MAST4: variants seen among roughly 807,000 people sequenced by gnomAD.
The protein encoded by MAST4 is microtubule associated serine/threonine kinase family member 4, also known as microtubule-associated serine/threonine-protein kinase 4.
MAST4 carries 89 observed loss-of-function variants against 162.7 expected under a neutral mutation model. That is an observed-to-expected ratio of 0.55 (90% CI 0.46 to 0.65). The LOEUF is 0.65. Among genes scored for constraint, MAST4 ranks in the 30% least tolerant of loss-of-function variants. MAST4 has a pLI of 0.00. For missense variants in MAST4, 3,153 were observed against 3,374.0 expected (o/e 0.93, Z 1.62); for synonymous variants, 1,479 against 1,361.1 (o/e 1.09, Z -1.91).
At chr5:67,124,197 C>T (rs1011442325) in intron 14 of MAST4, among the ~76,000 whole-genome samples, 2 of 152,180 alleles carry the variant, frequency 1.3e-5, no homozygotes, top group Non-Finnish European at 2.9e-5. Context: ...GCCCCTCCAC[C>T]TTCTACCCTT....
chr5:66,772,884 A>G (rs1754422579), intron 2 of MAST4, among the ~76,000 whole-genome samples: 1 of 152,126 alleles, frequency 6.6e-6, no homozygotes, highest in African/African-American at 2.4e-5. Context: ...AGGGAGGGAA[A>G]GTCTTTGTAG....
chr5:66,975,352 G>A (rs917742934), intron 4 of MAST4, among the ~76,000 whole-genome samples: 7 of 152,114 alleles, frequency 4.6e-5, no homozygotes, highest in Non-Finnish European at 1.0e-4. Flanking sequence ...GTTTTTCCTG[G>A]GACCCTGAAA....
At chr5:66,790,029 CCTT>C (rs1294746782) in intron 3 of MAST4, among the ~76,000 whole-genome samples, 1 of 94,176 alleles carries the variant, frequency 1.1e-5, no homozygotes, top group Non-Finnish European at 2.1e-5. Flanking sequence ...GCTGGTGGGC[CCTT>C]CTTTGTTTTG....
At chr5:66,664,153 A>C (rs1293853773) in intron 1 of MAST4, among the ~76,000 whole-genome samples, 1 of 151,960 alleles carries the variant, frequency 6.6e-6, no homozygotes, top group East Asian at 1.9e-4. Context: ...CAGGAGTTTG[A>C]GGCTGGGTGT....
chr5:67,153,328 C>T (rs995100568), intron 25 of MAST4, 130 bp from the exon 26 acceptor site: 18 of 935,120 alleles, frequency 1.9e-5, no homozygotes, highest in Non-Finnish European at 2.5e-5. Flanking sequence ...GAATAGTAAA[C>T]GTACCTGTTA....
intron 4 of MAST4, among the ~76,000 whole-genome samples, chr5:67,012,304 T>C (rs1465348928): frequency 1.3e-5 from 2 of 152,174 alleles, no homozygotes; most frequent in Non-Finnish European, 2.9e-5. Flanking sequence ...AATAGGACTC[T>C]ATCTGAATAA....
chr5:66,836,146 T>G lies in MAST4; in HGVS notation c.642+47352T>G, dbSNP rs114336523. On this transcript the variant is annotated intron_variant, in intron 3 of 28. Coordinates refer to ENST00000403625, the MANE Select transcript of MAST4 (RefSeq NM_001164664.2). ...TGTTCGTGCCACTGCACTCCAGCCT[T>G]GGTGACAAAGTGAGACCCTGTCTGG... Among the ~76,000 whole-genome samples, 1,177 of 150,438 alleles carry G rather than the reference T, an allele frequency of 7.8e-3. 15 individuals carry two copies. Among genetic ancestry groups the G allele is most frequent in the African/African-American group, 0.028 (1,136 of 40,776 alleles).
At chr5:66,881,019 A>T (rs1761657620) in intron 3 of MAST4, among the ~76,000 whole-genome samples, 1 of 152,180 alleles carries the variant, frequency 6.6e-6, no homozygotes, top group Admixed American at 6.5e-5. Flanking sequence ...GAAAAGTGCA[A>T]ATATTAATGA....
At chr5:66,888,052 A>G (rs998636114) in intron 3 of MAST4, among the ~76,000 whole-genome samples, 4 of 152,158 alleles carry the variant, frequency 2.6e-5, no homozygotes, top group African/African-American at 9.7e-5. Context: ...ACTAAAAAAA[A>G]AAATAAAAAT....
At chr5:67,068,099 GA>G (rs1331627851) in intron 5 of MAST4, among the ~76,000 whole-genome samples, 2 of 152,164 alleles carry the variant, frequency 1.3e-5, no homozygotes, top group Non-Finnish European at 2.9e-5. Context: ...TATCCCTGAA[GA>G]TGCCTTCTAG....
chr5:66,711,131 G>A (rs529223711), intron 1 of MAST4, among the ~76,000 whole-genome samples: 1 of 152,116 alleles, frequency 6.6e-6, no homozygotes, highest in Non-Finnish European at 1.5e-5. Flanking sequence ...ACCAAATGCT[G>A]CGTCCATGAG....
At chr5:66,706,834 A>G (rs1750162685) in intron 1 of MAST4, among the ~76,000 whole-genome samples, 1 of 152,208 alleles carries the variant, frequency 6.6e-6, no homozygotes, top group Admixed American at 6.5e-5. Flanking sequence ...TATCTTGACT[A>G]TAAGAAACTT....
chr5:66,626,713 G>T (rs1445909022), intron 1 of MAST4, among the ~76,000 whole-genome samples: 1 of 152,184 alleles, frequency 6.6e-6, no homozygotes, highest in African/African-American at 2.4e-5. Flanking sequence ...TTATATGTCA[G>T]TGCTGAAAAT....
In MAST4 at chr5:67,163,570, G is replaced by T. The variant is rs762640150; in HGVS notation, c.4391G>T (p.Arg1464Leu). The T allele has an allele frequency of 1.7e-5, 27 of 1,593,882 alleles. No individual in the cohort carries two copies. The highest frequency in any genetic ancestry group is 1.7e-4 in the Middle Eastern group (1 of 6,058). Reference sequence around the variant, plus strand: ...AGTGACAAGAAGCACCTGTGCTCCCGCAAGCACAGCCTGGAGGTGACCCAA... The same window carrying T: ...AGTGACAAGAAGCACCTGTGCTCCCTCAAGCACAGCCTGGAGGTGACCCAA... ...YGSDKKHLCS[R>L]KHSLEVTQEE... is the part of the protein sequence containing the mutation. Residue 1464 changes from arginine to leucine, a missense_variant, in exon 29 of 29, where the codon CGC (arginine) becomes CTC (leucine). Arg to Leu is a moderately radical substitution (Grantham distance 102, BLOSUM62 -2). Transcript: ENST00000403625. This position sits in a 1 kb window ranked among gnomAD's most constrained non-coding sequence, Gnocchi z 7.0.
At chr5:67,096,583 A>G (rs867836356) in intron 7 of MAST4, among the ~76,000 whole-genome samples, 9 of 152,156 alleles carry the variant, frequency 5.9e-5, no homozygotes, top group Middle Eastern at 3.2e-3. Context: ...CCACTTAATA[A>G]CACTTGAATG....
intron 1 of MAST4, among the ~76,000 whole-genome samples, chr5:66,739,309 G>A (rs540774063): frequency 2.2e-4 from 33 of 152,180 alleles, no homozygotes; most frequent in African/African-American, 7.9e-4. Flanking sequence ...ATCTTTCTTC[G>A]GTTGTGGGGG....
intron 4 of MAST4, among the ~76,000 whole-genome samples, chr5:66,991,511 C>T (rs1294801316): frequency 6.6e-6 from 1 of 152,144 alleles, no homozygotes; most frequent in Non-Finnish European, 1.5e-5. Flanking sequence ...CACAATAAAG[C>T]TGAAAGAACT....
chr5:67,057,521 A>C (rs1373277242), intron 5 of MAST4, among the ~76,000 whole-genome samples: 1 of 151,348 alleles, frequency 6.6e-6, no homozygotes, highest in African/African-American at 2.4e-5. Context: ...GGTCTGGAGC[A>C]TGTCTTCACA....
chr5:67,124,766 A>C (rs1396387447), intron 14 of MAST4, among the ~76,000 whole-genome samples: 3 of 152,226 alleles, frequency 2.0e-5, no homozygotes, highest in African/African-American at 7.2e-5. Flanking sequence ...CATCATAGCA[A>C]GGGAAAGCAG....
Sources: gnomAD v4.1 joint callset for allele counts (sites outside exome capture counted in the v4.1 genomes callset) on GRCh38, gnomAD v4.1.1 for gene constraint, Gnocchi (gnomAD v3.1) non-coding constraint, MANE v1.5 for transcripts, NCBI Gene and HGNC (gene_info 2026-07-23, HGNC 2026-07-21) for gene names.